The following HIVEP3 variants were observed in gnomAD, a reference collection of about 807,000 sequenced individuals.
The protein encoded by HIVEP3 is transcription factor HIVEP3.
Under a neutral mutation model 152.8 loss-of-function variants are expected in HIVEP3, and 49 were observed. That is an observed-to-expected ratio of 0.32 (90% CI 0.26 to 0.41). The LOEUF is 0.41. Among genes scored for constraint, HIVEP3 ranks in the 10% least tolerant of loss-of-function variants. HIVEP3 has a pLI of 1.00. For synonymous variants in HIVEP3, 1,269 were observed against 1,289.0 expected, an observed-to-expected ratio of 0.98 and a Z score of 0.33; for missense variants, 2,790 against 3,103.3, an observed-to-expected ratio of 0.90 and a Z score of 2.40.
chr1:41,589,386 A>G (rs1364605414), intron 3 of HIVEP3, among the ~76,000 whole-genome samples: 1 of 152,236 alleles, frequency 6.6e-6, no homozygotes, highest in Non-Finnish European at 1.5e-5. Flanking sequence ...TAGCTGTGGG[A>G]GCAGCCCAAT....
intron 3 of HIVEP3, among the ~76,000 whole-genome samples, chr1:41,624,505 T>C (rs1196493116): frequency 1.3e-5 from 2 of 151,774 alleles, no homozygotes; most frequent in Non-Finnish European, 2.9e-5. Context: ...CGTTGAAATG[T>C]ATCTTCAGTT....
chr1:41,787,697 T>A (rs12407810), intron 1 of HIVEP3, among the ~76,000 whole-genome samples: 59,031 of 118,354 alleles, frequency 0.5, 13,194 homozygotes, highest in Non-Finnish European at 0.53. Context: ...ATTAAAAAAA[T>A]TTTTTTTTTT....
chr1:42,021,184 G>C (rs1444254941), intron 1 of HIVEP3, among the ~76,000 whole-genome samples: 1 of 152,150 alleles, frequency 6.6e-6, no homozygotes, highest in Non-Finnish European at 1.5e-5. Context: ...AAAGGAAGTT[G>C]AGAAGCCACT....
intron 1 of HIVEP3, among the ~76,000 whole-genome samples, chr1:41,794,313 A>T (rs181742450): frequency 3.8e-4 from 58 of 152,326 alleles, no homozygotes; most frequent in Admixed American, 3.5e-3. Flanking sequence ...TGCCCCCATG[A>T]TTCAATTATC....
At chr1:41,804,596 G>C (rs939438842) in intron 1 of HIVEP3, among the ~76,000 whole-genome samples, 4 of 152,226 alleles carry the variant, frequency 2.6e-5, no homozygotes, top group Admixed American at 1.3e-4. Flanking sequence ...GAAAAGGAGA[G>C]AGAGGGAAGG....
At chr1:41,941,629 T>C (rs1459141099) in intron 1 of HIVEP3, among the ~76,000 whole-genome samples, 2 of 152,122 alleles carry the variant, frequency 1.3e-5, no homozygotes, top group Non-Finnish European at 2.9e-5. Flanking sequence ...ACCTTGGGAT[T>C]GTGAAAGCAG....
chr1:41,797,928 C>T (rs540047956), intron 1 of HIVEP3, among the ~76,000 whole-genome samples: 83 of 151,908 alleles, frequency 5.5e-4, no homozygotes, highest in Non-Finnish European at 1.0e-3. Flanking sequence ...TGCAGTGAGC[C>T]GAGATCGCAC....
intron 1 of HIVEP3, among the ~76,000 whole-genome samples, chr1:41,827,481 G>A (rs527294702): frequency 3.6e-4 from 55 of 152,250 alleles, no homozygotes; most frequent in African/African-American, 1.3e-3. Context: ...GTATCATAGA[G>A]GTTCCAGGGA....
chr1:41,906,847 T>TTCTC (rs556072926), intron 1 of HIVEP3, among the ~76,000 whole-genome samples: 1 of 146,510 alleles, frequency 6.8e-6, no homozygotes, highest in Non-Finnish European at 1.5e-5. Context: ...TTTTTTTTTT[T>TTCTC]TCTCTCTCTC....
intron 3 of HIVEP3, among the ~76,000 whole-genome samples, chr1:41,610,900 C>T (rs923271510): frequency 9.2e-5 from 14 of 152,140 alleles, no homozygotes; most frequent in Admixed American, 2.6e-4. Context: ...TGCCCTGAGA[C>T]CCCCCAAGCT....
At chr1:41,631,197 C>A (rs927479072) in intron 2 of HIVEP3, among the ~76,000 whole-genome samples, 1 of 152,178 alleles carries the variant, frequency 6.6e-6, no homozygotes, top group Non-Finnish European at 1.5e-5. Context: ...CAGGCAGTGT[C>A]GTGGGATGGA....
At chr1:41,757,902 G>C (rs1647420478) in intron 1 of HIVEP3, among the ~76,000 whole-genome samples, 1 of 151,998 alleles carries the variant, frequency 6.6e-6, no homozygotes, top group Admixed American at 6.6e-5. Flanking sequence ...AGTAGAGACA[G>C]GGTTTCTCCA....
intron 2 of HIVEP3, among the ~76,000 whole-genome samples, chr1:41,683,875 C>T (rs986875979): frequency 6.6e-6 from 1 of 152,210 alleles, no homozygotes; most frequent in Non-Finnish European, 1.5e-5. Flanking sequence ...TTCCCATCAC[C>T]ACCCTCCTGG....
chr1:41,515,819 A>C (rs1642588473), intron 7 of HIVEP3, among the ~76,000 whole-genome samples: 1 of 152,148 alleles, frequency 6.6e-6, no homozygotes. Context: ...GAGGACTGTG[A>C]GGGTCTGGCA....
chr1:41,680,592 C>A (rs182781793), intron 2 of HIVEP3, among the ~76,000 whole-genome samples: 3 of 152,368 alleles, frequency 2.0e-5, no homozygotes, highest in Admixed American at 6.5e-5. Flanking sequence ...ACAAACCACA[C>A]CTCTGCATGG....
intron 1 of HIVEP3, among the ~76,000 whole-genome samples, chr1:41,833,984 CCTCCTG>C (rs745708568): frequency 2.0e-5 from 3 of 152,238 alleles, no homozygotes; most frequent in Non-Finnish European, 4.4e-5. Flanking sequence ...CAAGGACCTC[CCTCCTG>C]CTCCCTGAGG....
chr1:41,544,887 A>G (rs1371099042), intron 5 of HIVEP3, among the ~76,000 whole-genome samples: 1 of 52,120 alleles, frequency 1.9e-5, no homozygotes, highest in Non-Finnish European at 3.9e-5. Flanking sequence ...TACCACCTCT[A>G]CCACCACCAT....
intron 5 of HIVEP3, among the ~76,000 whole-genome samples, chr1:41,537,767 C>T (rs538598088): frequency 5.4e-4 from 83 of 152,322 alleles, no homozygotes; most frequent in African/African-American, 2.0e-3. Flanking sequence ...TGGGGTTCTG[C>T]AGAAACTACA....
chr1:41,612,284 G>A (rs1180616651), intron 3 of HIVEP3, among the ~76,000 whole-genome samples: 1 of 152,160 alleles, frequency 6.6e-6, no homozygotes, highest in African/African-American at 2.4e-5. Context: ...CCCCTGGCCG[G>A]TGTTTACACC....
Sources: gnomAD v4.1 joint callset for allele counts (sites outside exome capture counted in the v4.1 genomes callset) on GRCh38, gnomAD v4.1.1 for gene constraint, MANE v1.5 for transcripts, NCBI Gene and HGNC (gene_info 2026-07-23, HGNC 2026-07-21) for gene names.